CYFIP1: variants seen among roughly 807,000 people sequenced by gnomAD.
The protein encoded by CYFIP1 is cytoplasmic FMR1 interacting protein 1, also known as cytoplasmic FMR1-interacting protein 1.
CYFIP1 carries 58 observed loss-of-function variants against 163.5 expected under a neutral mutation model. That is an observed-to-expected ratio of 0.35 (90% CI 0.29 to 0.44). The LOEUF (loss-of-function observed/expected upper bound fraction) is 0.44, where lower values mean the gene tolerates loss of function less well. Among genes scored for constraint, CYFIP1 ranks in the 20% least tolerant of loss-of-function variants. CYFIP1 has a pLI of 1.00. For missense variants in CYFIP1, 1,338 were observed against 1,653.8 expected (o/e 0.81, Z 3.31); for synonymous variants, 663 against 660.7 (o/e 1.00, Z -0.05).
intron 9 of CYFIP1, among the ~76,000 whole-genome samples, chr15:22,936,752 G>A (rs772458421): frequency 1.3e-4 from 20 of 152,132 alleles, no homozygotes; most frequent in Non-Finnish European, 2.1e-4. Flanking sequence ...GATAAGTTAC[G>A]GTGTAGTCAT....
At chr15:22,920,071 A>G (rs1002383492) in intron 13 of CYFIP1, among the ~76,000 whole-genome samples, 3 of 151,790 alleles carry the variant, frequency 2.0e-5, no homozygotes, top group African/African-American at 7.3e-5. Context: ...AATGGTCTTC[A>G]GTCCACAGTA....
At chr15:22,935,191 A>C (rs1165884191) in intron 9 of CYFIP1, among the ~76,000 whole-genome samples, 2 of 152,224 alleles carry the variant, frequency 1.3e-5, no homozygotes. Flanking sequence ...ACCCTTCCAG[A>C]TTAGGAGTCT....
chr15:22,918,217 T>G (rs114103774), intron 14 of CYFIP1, among the ~76,000 whole-genome samples: 2,181 of 152,268 alleles, frequency 0.014, 49 homozygotes, highest in African/African-American at 0.05. Context: ...AGTCATGCTG[T>G]GGGCAGGGAG....
intron 15 of CYFIP1, chr15:22,916,987 C>A (rs766205606): frequency 2.6e-6 from 4 of 1,551,210 alleles, no homozygotes; most frequent in South Asian, 1.2e-5. Context: ...CTGAGCAGCT[C>A]GGCAGAGCCC....
At chr15:22,962,926 A>G (rs1196361833) in intron 1 of CYFIP1, among the ~76,000 whole-genome samples, 1 of 152,134 alleles carries the variant, frequency 6.6e-6, no homozygotes, top group Non-Finnish European at 1.5e-5. Context: ...GCTCAGAACC[A>G]ATGCCATTTG....
upstream of CYFIP1, among the ~76,000 whole-genome samples, chr15:22,980,639 CG>C (rs2063455245): frequency 1.3e-5 from 2 of 152,032 alleles, no homozygotes; most frequent in Non-Finnish European, 2.9e-5. Flanking sequence ...GGTCCTCCTG[CG>C]GGTCCGTCCG....
At chr15:22,899,074 G>A (rs190393049) in intron 22 of CYFIP1, among the ~76,000 whole-genome samples, 334 of 151,848 alleles carry the variant, frequency 2.2e-3, no homozygotes, top group South Asian at 5.2e-3. Context: ...CTGGACTCAA[G>A]AGATCTTCCT....
At chr15:22,892,307 C>T (rs1163335275) in intron 23 of CYFIP1, among the ~76,000 whole-genome samples, 1 of 152,206 alleles carries the variant, frequency 6.6e-6, no homozygotes. Context: ...GAAACTAGCC[C>T]TTAATAATAC....
At position 22,917,047 on chromosome 15, in the gene CYFIP1, G is replaced by A; in HGVS notation, c.1675-417C>T. On this transcript the variant is annotated intron_variant, in intron 15 of 30. Coordinates refer to ENST00000617928, the MANE Select transcript of CYFIP1 (RefSeq NM_014608.6). The surrounding 1 kb of genome is among the most constrained non-coding windows in gnomAD (Gnocchi z 4.2). Reference sequence around the variant, plus strand: ...AGGTAGAGCTAGACACGGACAGACAGGAGGGAGAGGCAGGAGAGAGACGTT... The same window carrying A: ...AGGTAGAGCTAGACACGGACAGACAAGAGGGAGAGGCAGGAGAGAGACGTT... The A allele has an allele frequency of 6.6e-7, 1 of 1,523,266 alleles. No homozygotes were observed. Among genetic ancestry groups the A allele is most frequent in the African/African-American group, 1.4e-5 (1 of 72,102 alleles). The allele number at this position is 1,523,266 out of a possible 1,614,324, so 94.4% of individuals were successfully genotyped here. A position where few individuals can be genotyped will look rare whatever the true frequency, so the allele number is the denominator to read the frequency against.
intron 26 of CYFIP1, among the ~76,000 whole-genome samples, chr15:22,875,948 A>T (rs922236209): frequency 1.4e-5 from 2 of 143,224 alleles, no homozygotes; most frequent in African/African-American, 5.1e-5. Flanking sequence ...CCCCAAATCC[A>T]CCAAGAACCC....
At chr15:22,973,906 C>T (rs867188370) in intron 1 of CYFIP1, among the ~76,000 whole-genome samples, 37 of 152,136 alleles carry the variant, frequency 2.4e-4, no homozygotes, top group Middle Eastern at 3.4e-3. Context: ...TACAAGTGGC[C>T]AACAGGTGTA....
chr15:22,904,126 T>G, intron 21 of CYFIP1: 4 of 593,972 alleles, frequency 6.7e-6, no homozygotes, highest in Non-Finnish European at 1.2e-5. Context: ...TGCAGTCACC[T>G]CCACGCCACC....
Position 22,870,281 on chromosome 15 carries a change from C to T in CYFIP1, c.3598-89G>A, listed in dbSNP as rs953873632. 13 of 1,449,902 alleles carry T rather than the reference C, an allele frequency of 9.0e-6. 1 individual carries two copies. The African/African-American group carries it at 1.8e-4, about 20-fold the overall frequency. 89.8% of individuals were successfully genotyped at this position (1,449,902 alleles called of 1,614,324 possible). On this transcript the variant is annotated intron_variant, in intron 30 of 30. Transcript: ENST00000617928. ...AAATGTCAGGATTCTTATATTTTCTCAGAAAAATAATAGCAAACGGAATTG... is the reference window on the plus strand; with the variant it reads ...AAATGTCAGGATTCTTATATTTTCTTAGAAAAATAATAGCAAACGGAATTG...
intron 20 of CYFIP1, 92 bp downstream of exon 20, chr15:22,910,428 G>T: frequency 9.7e-7 from 1 of 1,030,064 alleles, no homozygotes. Context: ...TCCCAGTGTT[G>T]GGATTACAGG....
In CYFIP1 at chr15:22,914,835, A is replaced by G; in HGVS notation, c.1876T>C (p.Phe626Leu). 1.2e-6 allele frequency: 2 copies of G among 1,613,042 alleles called. No individual in the cohort carries two copies. Among genetic ancestry groups the G allele is most frequent in the Non-Finnish European group, 1.7e-6 (2 of 1,179,570 alleles). ...CTGCCCATGGTCAGCTCCAGGAAGA[A>G]CTCTCGGAACCACAGCTGCGAAAGG... ...CDLSQLWFREFFLELTMGRRI... is the reference protein window; with the variant it reads ...CDLSQLWFRELFLELTMGRRI... Residue 626 changes from phenylalanine (F) to leucine (L), a missense_variant, in exon 17 of 31, where the codon TTC (phenylalanine) becomes CTC (leucine). Around this residue, in one of 4 missense-constraint regions of CYFIP1, gnomAD observed 824 missense variants for 995.7 expected, o/e 0.83. Transcript: ENST00000617928.
rs149013026 is a variant in CYFIP1, at chr15:22,879,436, C to A, written c.3042+477G>T. ...CTAAGAGGGGGTGGGCTCCCGGGGGCTCCCCTTTCATGCTGGCCACTCGTG... is the reference window on the plus strand; with the variant it reads ...CTAAGAGGGGGTGGGCTCCCGGGGGATCCCCTTTCATGCTGGCCACTCGTG... On this transcript the variant is annotated intron_variant, in intron 26 of 30. Coordinates refer to ENST00000617928, the MANE Select transcript of CYFIP1 (RefSeq NM_014608.6). Among the ~76,000 whole-genome samples, 14 of 152,218 alleles carry A rather than the reference C, an allele frequency of 9.2e-5. No individual in the cohort carries two copies. The East Asian group carries it at 2.7e-3, about 29-fold the overall frequency.
intron 25 of CYFIP1, 144 bp downstream of exon 25, chr15:22,881,702 A>T (rs185565645): frequency 1.3e-6 from 1 of 749,202 alleles, no homozygotes; most frequent in East Asian, 2.7e-5. Context: ...ACCCCAACAC[A>T]CCTCTTCCTG....
chr15:22,952,422 G>A (rs749602374), intron 1 of CYFIP1, among the ~76,000 whole-genome samples: 5 of 152,040 alleles, frequency 3.3e-5, no homozygotes, highest in African/African-American at 1.2e-4. Context: ...TCAGGAGGCC[G>A]AGGCGGGCGA....
rs2061825920 is a variant in CYFIP1, at chr15:22,939,459, T to C, written c.618A>G (p.Glu206=). Residue 206 remains glutamate, a synonymous_variant, in exon 7 of 31, where the codon GAA becomes GAG. Transcript: ENST00000617928. Reference sequence around the variant, plus strand: ...CCAGGAACATGGACAGATTCTGCGATTCCTGGATGGACTGTGGATCTGCCA... The same window carrying C: ...CCAGGAACATGGACAGATTCTGCGACTCCTGGATGGACTGTGGATCTGCCA... The part of the protein sequence containing the change: ...RKMADPQSIQ[E]SQNLSMFLAN... The C allele has an allele frequency of 2.5e-6, 4 of 1,613,008 alleles. No homozygotes were observed. The South Asian group carries it at 4.4e-5, about 18-fold the overall frequency.
Sources: allele counts gnomAD v4.1 joint callset (sites outside exome capture counted in the v4.1 genomes callset), GRCh38; gene constraint gnomAD v4.1.1; regional missense constraint gnomAD v4.1.1; non-coding constraint Gnocchi (gnomAD v3.1); transcripts MANE v1.5; gene names NCBI Gene and HGNC (gene_info 2026-07-23, HGNC 2026-07-21).